The following NPAS2 variants were observed in gnomAD, a reference collection of about 807,000 sequenced individuals.
NPAS2 encodes neuronal PAS domain protein 2.
A neutral mutation model predicts 107.5 loss-of-function variants in NPAS2; 23 were observed. That is an observed-to-expected ratio of 0.21 (90% CI 0.15 to 0.30). The LOEUF is 0.30. NPAS2 is among the 10% of genes least tolerant of loss of function. NPAS2 has a pLI of 1.00. For synonymous variants in NPAS2, 403 were observed against 417.5 expected (o/e 0.97, Z 0.42); for missense variants, 756 against 1,043.3 (o/e 0.72, Z 3.79).
rs11890015 is a variant in NPAS2 at position 100,957,420 on chromosome 2, C to T, written c.599-6638C>T. ...CAACTGTTTCCAGAATAGAGCTTAA[C>T]AAGATGATTTTATTTAGGGCTATGT... On this transcript the variant is annotated intron_variant, in intron 7 of 20. Transcript: ENST00000335681. Among the ~76,000 whole-genome samples, 1,370 of 152,324 alleles carry T rather than the reference C, an allele frequency of 9.0e-3. 18 individuals carry two copies. The highest frequency in any genetic ancestry group is 0.03 in the African/African-American group (1,243 of 41,578).
intron 1 of NPAS2, among the ~76,000 whole-genome samples, chr2:100,856,824 C>G (rs1229526944): frequency 6.6e-6 from 1 of 152,210 alleles, no homozygotes; most frequent in African/African-American, 2.4e-5. Context: ...GGTGTCCACG[C>G]TGCTTGCACC....
intron 2 of NPAS2, among the ~76,000 whole-genome samples, chr2:100,906,617 G>T (rs960220064): frequency 1.9e-4 from 29 of 152,270 alleles, no homozygotes; most frequent in African/African-American, 7.0e-4. Flanking sequence ...GTGTGATGGA[G>T]TCTCACCCTG....
At chr2:100,889,047 C>G (rs568227188) in intron 1 of NPAS2, among the ~76,000 whole-genome samples, 1 of 152,184 alleles carries the variant, frequency 6.6e-6, no homozygotes, top group Non-Finnish European at 1.5e-5. Context: ...TCTAAAACAT[C>G]TTTAATATAC....
intron 18 of NPAS2, 135 bp downstream of exon 18, chr2:100,990,581 A>G: frequency 1.8e-6 from 2 of 1,091,530 alleles, no homozygotes; most frequent in Non-Finnish European, 2.7e-6. Context: ...CAGCTAAGGA[A>G]GCAGAGGACA....
chr2:100,913,655 A>C (rs1310328664), intron 2 of NPAS2, among the ~76,000 whole-genome samples: 1 of 152,056 alleles, frequency 6.6e-6, no homozygotes, highest in African/African-American at 2.4e-5. Context: ...TTCTCTTTTT[A>C]CTGCCTTTTA....
In NPAS2 at chr2:100,904,659, A is replaced by G. The variant is rs74792785; in HGVS notation, c.-22-74A>G. ...CTAAGACCAAAATGACAACAACCTGAAAGACTTTTAAGAAAGATGTAGAAG... is the reference window on the plus strand; with the variant it reads ...CTAAGACCAAAATGACAACAACCTGGAAGACTTTTAAGAAAGATGTAGAAG... On this transcript the variant is annotated intron_variant, in intron 1 of 20. Transcript: ENST00000335681. 2,220 of 1,140,292 alleles carry G rather than the reference A, an allele frequency of 1.9e-3. 25 individuals are homozygous for G. In the African/African-American group the frequency reaches 0.031, roughly 16 times the overall value. The allele number at this position is 1,140,292 out of a possible 1,614,324, so 70.6% of individuals were successfully genotyped here.
At chr2:100,824,991 C>T (rs2104322989) in intron 1 of NPAS2, among the ~76,000 whole-genome samples, 1 of 152,218 alleles carries the variant, frequency 6.6e-6, no homozygotes, top group South Asian at 2.1e-4. Context: ...ATGGGAGTAC[C>T]AGGATGGAAA....
At chr2:100,843,814 A>C (rs1331279787) in intron 1 of NPAS2, among the ~76,000 whole-genome samples, 1 of 152,182 alleles carries the variant, frequency 6.6e-6, no homozygotes, top group African/African-American at 2.4e-5. Context: ...TGAAGGAATA[A>C]TTCCTTTTCA....
At chr2:100,864,402 G>A (rs766239056) in intron 1 of NPAS2, among the ~76,000 whole-genome samples, 13 of 152,162 alleles carry the variant, frequency 8.5e-5, no homozygotes, top group Non-Finnish European at 1.3e-4. Flanking sequence ...AATAATATTC[G>A]GATATAAATA....
In NPAS2 at chr2:100,904,693, A is replaced by G. The variant is rs148669993; in HGVS notation, c.-22-40A>G. The stretch of plus-strand genomic sequence containing the variant: ...TAAGAAAGATGTAGAAGCAGACAGT[A>G]ATTATCCATTCTTTTTAATTTTTTT... On this transcript the variant is annotated intron_variant, in intron 1 of 20. Coordinates refer to ENST00000335681, the MANE Select transcript of NPAS2 (RefSeq NM_002518.4). 1.7e-3 allele frequency: 2,282 copies of G among 1,346,662 alleles called. 5 individuals carry two copies. The highest frequency in any genetic ancestry group is 2.1e-3 in the Non-Finnish European group (2,047 of 957,728). The allele number at this position is 1,346,662 out of a possible 1,614,324, so 83.4% of individuals were successfully genotyped here. A position where few individuals can be genotyped will look rare whatever the true frequency, so the allele number is the denominator to read the frequency against.
At chr2:100,993,773 T>A (rs1174521194) in intron 20 of NPAS2, 1 of 397,200 alleles carries the variant, frequency 2.5e-6, no homozygotes, top group African/African-American at 2.1e-5. Context: ...GCTAAAAAGG[T>A]TCTTTTTTAA....
chr2:100,895,845 G>T (rs766283064), intron 1 of NPAS2, among the ~76,000 whole-genome samples: 17 of 152,184 alleles, frequency 1.1e-4, no homozygotes, highest in Non-Finnish European at 2.5e-4. Context: ...CTACCAATAT[G>T]GCCTTTTCTG....
At chr2:100,927,308 C>T (rs1426740540) in intron 3 of NPAS2, among the ~76,000 whole-genome samples, 1 of 152,128 alleles carries the variant, frequency 6.6e-6, no homozygotes, top group African/African-American at 2.4e-5. Context: ...TTGTAGATGT[C>T]GTAAGGTGGG....
At chr2:100,957,489 T>A (rs1022715191) in intron 7 of NPAS2, among the ~76,000 whole-genome samples, 2 of 152,260 alleles carry the variant, frequency 1.3e-5, no homozygotes, top group African/African-American at 4.8e-5. Flanking sequence ...AAAAGAGAGA[T>A]GCTTTCAGAC....
At position 100,853,530 on chromosome 2, in the gene NPAS2, T is replaced by C. The variant is rs74614934; in HGVS notation, c.-23+33116T>C. On this transcript the variant is annotated intron_variant, in intron 1 of 20. Transcript: ENST00000335681. ...GAGGACATGATCATCTTTATGTTTG[T>C]AACCTCGGGCCTGGAACAGTCTCCT... Among the ~76,000 whole-genome samples the C allele has an allele frequency of 5.9e-3, 894 of 152,342 alleles. 52 individuals carry two copies. The East Asian group carries it at 0.14, about 23-fold the overall frequency.
At chr2:100,886,419 G>A (rs1680704871) in intron 1 of NPAS2, among the ~76,000 whole-genome samples, 1 of 152,238 alleles carries the variant, frequency 6.6e-6, no homozygotes, top group Non-Finnish European at 1.5e-5. Flanking sequence ...TATGAAGATA[G>A]TTGATGTCCA....
At chr2:100,876,429 T>C (rs17024916) in intron 1 of NPAS2, among the ~76,000 whole-genome samples, 7,815 of 152,254 alleles carry the variant, frequency 0.051, 661 homozygotes, top group African/African-American at 0.18. Flanking sequence ...CAGGAGAACG[T>C]AGAACGAGGT....
rs182420957 is a variant in NPAS2 at position 100,885,074 on chromosome 2, G to A, written c.-22-19659G>A. Among the ~76,000 whole-genome samples, 1,366 of 151,798 alleles carry A rather than the reference G, an allele frequency of 9.0e-3. 11 individuals are homozygous for A. Among genetic ancestry groups the A allele is most frequent in the Middle Eastern group, 0.024 (7 of 290 alleles). ...CGCCATTCTCCTGCCTCAGCCTCCC[G>A]CGTAGCTGGGACTACAGGTGCCCAC... On this transcript the variant is annotated intron_variant, in intron 1 of 20. Coordinates refer to ENST00000335681, the MANE Select transcript of NPAS2 (RefSeq NM_002518.4).
chr2:100,851,268 A>G (rs973379247), intron 1 of NPAS2, among the ~76,000 whole-genome samples: 46 of 152,260 alleles, frequency 3.0e-4, no homozygotes, highest in African/African-American at 1.0e-3. Flanking sequence ...ACACTTAAAA[A>G]TGGTTAACAT....
Sources: gnomAD v4.1 joint callset for allele counts (sites outside exome capture counted in the v4.1 genomes callset) on GRCh38, gnomAD v4.1.1 for gene constraint, MANE v1.5 for transcripts, NCBI Gene and HGNC (gene_info 2026-07-23, HGNC 2026-07-21) for gene names.